Variants in RIMS1 observed in about 807,000 individuals in gnomAD.
RIMS1 encodes the protein regulating synaptic membrane exocytosis 1, also known as regulating synaptic membrane exocytosis protein 1.
Under a neutral mutation model 214.1 loss-of-function variants are expected in RIMS1, and 83 were observed. The observed-to-expected ratio is 0.39, with a 90% CI of 0.32 to 0.47. The LOEUF is 0.47. Among genes scored for constraint, RIMS1 ranks in the 20% least tolerant of loss-of-function variants. RIMS1 has a pLI of 0.99. For missense variants in RIMS1, 2,050 were observed against 2,161.8 expected, an observed-to-expected ratio of 0.95 and a Z score of 1.03; for synonymous variants, 793 against 786.8, an observed-to-expected ratio of 1.01 and a Z score of -0.13.
intron 6 of RIMS1, among the ~76,000 whole-genome samples, chr6:72,230,300 G>C (rs1362040659): frequency 2.0e-5 from 3 of 151,620 alleles, no homozygotes; most frequent in African/African-American, 7.2e-5. Flanking sequence ...TTAAAAATAT[G>C]CTGCATATTA....
At chr6:71,893,954 T>G (rs1581926399) in intron 1 of RIMS1, among the ~76,000 whole-genome samples, 1 of 152,228 alleles carries the variant, frequency 6.6e-6, no homozygotes. Context: ...AATTTTGAGT[T>G]TCAACCCGGA....
chr6:72,033,607 G>A (rs1048287763), intron 2 of RIMS1, among the ~76,000 whole-genome samples: 9 of 151,728 alleles, frequency 5.9e-5, no homozygotes, highest in African/African-American at 1.9e-4. Context: ...TCAGCCTCCC[G>A]AGTAGCTGGA....
intron 10 of RIMS1, among the ~76,000 whole-genome samples, chr6:72,244,525 C>T (rs1431949372): frequency 1.3e-5 from 2 of 151,744 alleles, no homozygotes; most frequent in Admixed American, 1.3e-4. Context: ...GTCATACTAT[C>T]TAAAAATTGT....
chr6:71,968,464 C>T (rs1290114329), intron 1 of RIMS1, among the ~76,000 whole-genome samples: 2 of 152,118 alleles, frequency 1.3e-5, no homozygotes, highest in African/African-American at 4.8e-5. Flanking sequence ...TTTTCCTCCC[C>T]TCCTAGCATG....
intron 22 of RIMS1, among the ~76,000 whole-genome samples, chr6:72,271,275 AAAAAAAAAAAAAT>A (rs1039970605): frequency 3.2e-5 from 2 of 61,640 alleles, no homozygotes; most frequent in African/African-American, 1.3e-4. Flanking sequence ...CAAGGAAAAA[AAAAAAAAAAAAAT>A]ATATATATAT....
intron 6 of RIMS1, among the ~76,000 whole-genome samples, chr6:72,203,388 G>A (rs955493814): frequency 1.6e-4 from 24 of 152,120 alleles, no homozygotes; most frequent in African/African-American, 5.3e-4. Context: ...ATTAGAGCTG[G>A]GGTAGATTTT....
intron 2 of RIMS1, among the ~76,000 whole-genome samples, chr6:72,008,506 C>G (rs920554371): frequency 2.6e-5 from 4 of 152,110 alleles, no homozygotes; most frequent in Non-Finnish European, 5.9e-5. Flanking sequence ...GCTAAATGCT[C>G]CAATTAAAAG....
At position 72,306,474 on chromosome 6, in the gene RIMS1, G is replaced by A. The variant is rs553787738; in HGVS notation, c.3851-784G>A. On this transcript the variant is annotated intron_variant, in intron 26 of 33. Transcript: ENST00000521978. The stretch of plus-strand genomic sequence containing the variant: ...AAATTTAAAGGCAAGGTTTTGAAGT[G>A]ATGTTGCTGATGGTGGATTCTAACT... 3.5e-4 allele frequency among the ~76,000 whole-genome samples: 54 copies of A among 152,264 alleles called. No individual in the cohort carries two copies. The East Asian group carries it at 9.8e-3, about 28-fold the overall frequency.
Position 72,132,086 on chromosome 6 carries a change from C to T in RIMS1, c.471+32100C>T, listed in dbSNP as rs192501558. Among the ~76,000 whole-genome samples the T allele has an allele frequency of 9.9e-5, 15 of 152,176 alleles. No homozygotes were observed. The East Asian group carries it at 2.7e-3, about 27-fold the overall frequency. On this transcript the variant is annotated intron_variant, in intron 4 of 33. Transcript: ENST00000521978. ...TTCATATTGTTTAAATACACGTGCT[C>T]TACAATTTGTGCAGTTAACGCAATT...
At chr6:72,080,142 T>C (rs1193989280) in intron 2 of RIMS1, among the ~76,000 whole-genome samples, 1 of 133,828 alleles carries the variant, frequency 7.5e-6, no homozygotes, top group African/African-American at 2.9e-5. Context: ...CAGATGCCTG[T>C]AATCCCAGCT....
intron 6 of RIMS1, among the ~76,000 whole-genome samples, chr6:72,230,442 A>G (rs750390536): frequency 1.3e-5 from 2 of 151,670 alleles, no homozygotes; most frequent in Admixed American, 6.6e-5. Flanking sequence ...TAAATTGCTA[A>G]ATAGATATTT....
Position 72,065,686 on chromosome 6 carries a change from A to G in RIMS1, c.246-31263A>G, listed in dbSNP as rs1182552024. ...ATCTCAATTGATACTCATATGAGGA[A>G]GATTCAATTATCATGTCCATTTTAC... On this transcript the variant is annotated intron_variant, in intron 2 of 33. Transcript: ENST00000521978. 2.6e-5 allele frequency among the ~76,000 whole-genome samples: 4 copies of G among 152,178 alleles called. No homozygotes were observed. The South Asian group carries it at 6.2e-4, about 24-fold the overall frequency.
Position 72,366,693 on chromosome 6 carries a change from G to T in RIMS1, c.4367-23905G>T, listed in dbSNP as rs1168171065. The T allele has an allele frequency of 4.1e-6, 4 of 985,112 alleles. No individual in the cohort carries two copies. The African/African-American group carries it at 5.2e-5, about 13-fold the overall frequency. The allele number at this position is 985,112 out of a possible 1,614,324, so 61.0% of individuals were successfully genotyped here. A position where few individuals can be genotyped will look rare whatever the true frequency, so the allele number is the denominator to read the frequency against. On this transcript the variant is annotated intron_variant, in intron 29 of 33. Coordinates refer to ENST00000521978, the MANE Select transcript of RIMS1 (RefSeq NM_014989.7). ...GAAGGAGAGAGTGTCGGAGGGTGAG[G>T]GAGGAGGAGAGAGAATGGGAGAGAG...
intron 28 of RIMS1, among the ~76,000 whole-genome samples, chr6:72,330,941 T>C (rs537404349): frequency 2.0e-5 from 3 of 151,630 alleles, no homozygotes; most frequent in South Asian, 4.1e-4. Context: ...TCTGGACATA[T>C]ATTTTTTGAG....
chr6:72,198,651 G>C (rs1466789075), intron 6 of RIMS1, among the ~76,000 whole-genome samples: 3 of 151,914 alleles, frequency 2.0e-5, no homozygotes, highest in Non-Finnish European at 4.4e-5. Flanking sequence ...AGCTAGAAGA[G>C]AGGACTTAAA....
chr6:71,946,890 C>G (rs1787987057), intron 1 of RIMS1, among the ~76,000 whole-genome samples: 1 of 151,966 alleles, frequency 6.6e-6, no homozygotes, highest in Non-Finnish European at 1.5e-5. Flanking sequence ...AAATGTACAT[C>G]TGATAAGAGG....
intron 21 of RIMS1, 99 bp from the exon 22 acceptor site, chr6:72,265,861 A>G: frequency 1.3e-6 from 1 of 767,794 alleles, no homozygotes; most frequent in South Asian, 1.8e-5. Flanking sequence ...TTTTGTGTAA[A>G]GGGGACATTA....
intron 23 of RIMS1, among the ~76,000 whole-genome samples, chr6:72,277,086 T>A (rs1414140411): frequency 1.3e-5 from 2 of 152,226 alleles, no homozygotes; most frequent in Non-Finnish European, 2.9e-5. Context: ...CGTAAATTAT[T>A]CCTTAAGAGA....
Position 72,398,319 on chromosome 6 carries a change from C to G in RIMS1, c.4689C>G (p.Leu1563=). ...TGGAAGTCATTAGAGCACGAAGCCTCACACAAAAGCCTGGTTCCAAATCTA... is the reference window on the plus strand; with the variant it reads ...TGGAAGTCATTAGAGCACGAAGCCTGACACAAAAGCCTGGTTCCAAATCTA... ...LEVEVIRARS[L]TQKPGSKSTP... is the part of the protein sequence containing the mutation. The change falls in exon 32 of 34, where the codon CTC becomes CTG. Residue 1563 remains leucine (L), a synonymous_variant. Transcript: ENST00000521978. 6.2e-7 allele frequency: 1 copy of G among 1,603,378 alleles called. No individual in the cohort carries two copies. Among genetic ancestry groups the G allele is most frequent in the Non-Finnish European group, 8.5e-7 (1 of 1,174,950 alleles).
Sources: gnomAD v4.1 joint callset for allele counts (sites outside exome capture counted in the v4.1 genomes callset) on GRCh38, gnomAD v4.1.1 for gene constraint, MANE v1.5 for transcripts, NCBI Gene and HGNC (gene_info 2026-07-23, HGNC 2026-07-21) for gene names.